The following KCNIP4 variants were observed in gnomAD, a reference collection of about 807,000 sequenced individuals.
KCNIP4 encodes potassium voltage-gated channel interacting protein 4.
Under a neutral mutation model 34.0 loss-of-function variants are expected in KCNIP4, and 12 were observed. The observed-to-expected ratio is 0.35, with a 90% CI of 0.23 to 0.57. The LOEUF (loss-of-function observed/expected upper bound fraction) is 0.57. Among genes scored for constraint, KCNIP4 ranks in the 20% least tolerant of loss-of-function variants. The pLI is 0.83. For missense variants in KCNIP4, 238 were observed against 311.7 expected (o/e 0.76, Z 1.78); for synonymous variants, 124 against 102.2 (o/e 1.21, Z -1.29).
chr4:21,888,806 C>T (rs1726929157), intron 1 of KCNIP4, among the ~76,000 whole-genome samples: 1 of 152,120 alleles, frequency 6.6e-6, no homozygotes, highest in South Asian at 2.1e-4. Flanking sequence ...CATCTCCAAT[C>T]TGAAACTTCT....
chr4:21,148,992 A>G (rs1054151001), intron 1 of KCNIP4, among the ~76,000 whole-genome samples: 2 of 152,212 alleles, frequency 1.3e-5, no homozygotes, highest in Non-Finnish European at 2.9e-5. Context: ...TATCTTTCCC[A>G]GTAGCTTTAT....
chr4:21,167,024 T>C (rs1753682470), intron 1 of KCNIP4, among the ~76,000 whole-genome samples: 1 of 150,250 alleles, frequency 6.7e-6, no homozygotes, highest in African/African-American at 2.4e-5. Flanking sequence ...AATGGTATAC[T>C]ATTTAGCATT....
chr4:21,108,890 G>A (rs1230564490), intron 1 of KCNIP4, among the ~76,000 whole-genome samples: 2 of 152,242 alleles, frequency 1.3e-5, no homozygotes, highest in African/African-American at 4.8e-5. Context: ...CTGGGTAACA[G>A]CAGTGGTGGC....
chr4:21,847,239 CAATAGTTGAAATACA>C (rs1724073716), intron 1 of KCNIP4: 1 of 152,038 alleles, frequency 6.6e-6, no homozygotes, highest in South Asian at 2.1e-4. Context: ...TAGTAAAATG[CAATAGTTGAAATACA>C]CTCAGTGCTG....
At chr4:21,070,940 G>C (rs1744856663) in intron 1 of KCNIP4, among the ~76,000 whole-genome samples, 1 of 151,958 alleles carries the variant, frequency 6.6e-6, no homozygotes, top group South Asian at 2.1e-4. Flanking sequence ...TTCCCAAAGT[G>C]CTGGAATTAC....
intron 1 of KCNIP4, among the ~76,000 whole-genome samples, chr4:21,092,229 AT>A (rs1223974381): frequency 2.6e-5 from 4 of 152,182 alleles, no homozygotes. Flanking sequence ...TCCAAAAAAA[AT>A]AATATGTAGG....
chr4:21,110,118 A>G (rs552096377), intron 1 of KCNIP4, among the ~76,000 whole-genome samples: 33 of 152,316 alleles, frequency 2.2e-4, no homozygotes, highest in Middle Eastern at 3.4e-3. Context: ...TAATCAGATT[A>G]GAAATTAGAT....
intron 1 of KCNIP4, among the ~76,000 whole-genome samples, chr4:21,757,430 T>C (rs981342442): frequency 5.3e-5 from 8 of 152,188 alleles, no homozygotes; most frequent in Non-Finnish European, 1.0e-4. Context: ...AGTATCTATG[T>C]TCAGATATTA....
chr4:21,338,557 G>A (rs1716416725), intron 1 of KCNIP4, among the ~76,000 whole-genome samples: 2 of 150,588 alleles, frequency 1.3e-5, no homozygotes, highest in Middle Eastern at 6.9e-3. Context: ...CAGTGAGCTG[G>A]GATTGCGCCA....
intron 1 of KCNIP4, among the ~76,000 whole-genome samples, chr4:21,326,447 A>G (rs1253467592): frequency 1.4e-5 from 2 of 144,542 alleles, no homozygotes; most frequent in East Asian, 4.0e-4. Flanking sequence ...CCATTTGCAT[A>G]AAACATCTTT....
At chr4:21,304,046 A>AGG in intron 1 of KCNIP4, 1 of 535,938 alleles carries the variant, frequency 1.9e-6, no homozygotes. Flanking sequence ...AGAGAGAGAG[A>AGG]GAGAGAGAGA....
At chr4:21,523,034 T>G (rs1735672524) in intron 1 of KCNIP4, among the ~76,000 whole-genome samples, 3 of 149,654 alleles carry the variant, frequency 2.0e-5, no homozygotes, top group African/African-American at 7.4e-5. Context: ...GTGCCCTTAT[T>G]AAAAAAAAAG....
At chr4:20,897,121 GT>G (rs549118466) in intron 1 of KCNIP4, among the ~76,000 whole-genome samples, 6 of 151,668 alleles carry the variant, frequency 4.0e-5, no homozygotes, top group African/African-American at 1.4e-4. Flanking sequence ...ATATTGTCCA[GT>G]TTTTGTTTCA....
chr4:21,259,796 G>A (rs1207492882), intron 1 of KCNIP4, among the ~76,000 whole-genome samples: 2 of 151,904 alleles, frequency 1.3e-5, no homozygotes, highest in African/African-American at 2.4e-5. Flanking sequence ...CAGCTGCGCA[G>A]GTTCTTTCCA....
intron 1 of KCNIP4, among the ~76,000 whole-genome samples, chr4:20,925,447 T>G (rs1483150433): frequency 6.6e-6 from 1 of 152,140 alleles, no homozygotes; most frequent in African/African-American, 2.4e-5. Context: ...AATGACCAAA[T>G]GCCATGACGA....
chr4:21,169,660 T>TTGCGTG (rs769666168), intron 1 of KCNIP4, among the ~76,000 whole-genome samples: 14,432 of 136,174 alleles, frequency 0.11, 941 homozygotes, highest in Middle Eastern at 0.17. Flanking sequence ...TACTTTATAT[T>TTGCGTG]TGTGTGTGTG....
intron 1 of KCNIP4, among the ~76,000 whole-genome samples, chr4:20,928,441 T>C (rs1730114381): frequency 6.6e-6 from 1 of 151,598 alleles, no homozygotes; most frequent in Non-Finnish European, 1.5e-5. Flanking sequence ...CAACACAACA[T>C]ATCAAAATCT....
At chr4:21,721,763 A>G (rs772735412) in intron 1 of KCNIP4, among the ~76,000 whole-genome samples, 9 of 152,332 alleles carry the variant, frequency 5.9e-5, no homozygotes, top group South Asian at 2.1e-4. Context: ...TGCTACATCA[A>G]TAAAACATGG....
At chr4:21,411,705 G>T (rs1184068269) in intron 1 of KCNIP4, among the ~76,000 whole-genome samples, 1 of 152,132 alleles carries the variant, frequency 6.6e-6, no homozygotes, top group African/African-American at 2.4e-5. Context: ...GCATATGGAG[G>T]AATGTGCCTG....
Sources: gnomAD v4.1 joint callset for allele counts (sites outside exome capture counted in the v4.1 genomes callset) on GRCh38, gnomAD v4.1.1 for gene constraint, MANE v1.5 for transcripts, NCBI Gene and HGNC (gene_info 2026-07-23, HGNC 2026-07-21) for gene names.